Variants in CACNA2D1 observed in about 807,000 individuals in gnomAD.
CACNA2D1 encodes the protein voltage-dependent calcium channel subunit alpha-2/delta-1.
Under a neutral mutation model 171.5 loss-of-function variants are expected in CACNA2D1, and 53 were observed. The ratio of observed to expected loss-of-function variants is 0.31; its 90% CI spans 0.25 to 0.39. The LOEUF (loss-of-function observed/expected upper bound fraction) is 0.39, where lower values mean the gene tolerates loss of function less well. CACNA2D1 is among the 10% of genes least tolerant of loss of function. The pLI, the probability that CACNA2D1 is intolerant of heterozygous loss-of-function variation, is 1.00. For missense variants in CACNA2D1, 903 were observed against 1,299.8 expected (o/e 0.69, Z 4.69); for synonymous variants, 442 against 443.1 (o/e 1.00, Z 0.03).
At chr7:82,351,734 T>C (rs1819871619) in intron 1 of CACNA2D1, among the ~76,000 whole-genome samples, 1 of 152,118 alleles carries the variant, frequency 6.6e-6, no homozygotes, top group Non-Finnish European at 1.5e-5. Flanking sequence ...TTAGTAAACA[T>C]AGTTGTGCCC....
At chr7:82,054,660 C>A (rs555910244) in intron 10 of CACNA2D1, among the ~76,000 whole-genome samples, 1 of 152,238 alleles carries the variant, frequency 6.6e-6, no homozygotes, top group East Asian at 1.9e-4. Context: ...AGATACCAAC[C>A]AGTGTTCTTA....
At chr7:82,145,063 A>G in intron 4 of CACNA2D1, among the ~76,000 whole-genome samples, 1 of 151,498 alleles carries the variant, frequency 6.6e-6, no homozygotes, top group East Asian at 1.9e-4. Flanking sequence ...AAGATGACCC[A>G]GTGAGTTAAA....
chr7:82,005,611 A>AAATGATTC, intron 17 of CACNA2D1, 114 bp from the exon 18 acceptor site: 1 of 863,602 alleles, frequency 1.2e-6, no homozygotes, highest in Non-Finnish European at 1.9e-6. Flanking sequence ...TTGAAAGATA[A>AAATGATTC]CATGGAATCA....
chr7:82,129,114 T>C (rs1790671677), intron 5 of CACNA2D1, among the ~76,000 whole-genome samples: 1 of 152,190 alleles, frequency 6.6e-6, no homozygotes, highest in Admixed American at 6.5e-5. Context: ...CAAATTCCCC[T>C]CATAAGCTAA....
At chr7:82,200,854 C>A (rs551434060) in intron 3 of CACNA2D1, among the ~76,000 whole-genome samples, 2 of 152,134 alleles carry the variant, frequency 1.3e-5, no homozygotes, top group Non-Finnish European at 2.9e-5. Context: ...GCCAATTACA[C>A]AAGAAAGGCA....
intron 1 of CACNA2D1, among the ~76,000 whole-genome samples, chr7:82,373,869 T>C (rs779677771): frequency 7.2e-5 from 11 of 152,232 alleles, no homozygotes; most frequent in Non-Finnish European, 1.5e-4. Flanking sequence ...AAATATGCAA[T>C]TGGTGTTTCA....
chr7:82,144,186 A>T (rs1200405583), intron 4 of CACNA2D1, among the ~76,000 whole-genome samples: 2 of 151,102 alleles, frequency 1.3e-5, no homozygotes, highest in Non-Finnish European at 3.0e-5. Context: ...AGGAAAAATC[A>T]TTTTTTTTTC....
chr7:81,950,555 A>G, intron 38 of CACNA2D1, 47 bp from the exon 39 acceptor site: 1 of 1,556,590 alleles, frequency 6.4e-7, no homozygotes. Flanking sequence ...AAAATCTAAA[A>G]ATCTTGAAAA....
At chr7:82,152,867 C>T (rs527884553) in intron 4 of CACNA2D1, among the ~76,000 whole-genome samples, 1 of 151,816 alleles carries the variant, frequency 6.6e-6, no homozygotes, top group East Asian at 1.9e-4. Context: ...AATTATTGGG[C>T]ATTGTTCATT....
chr7:82,196,934 A>T (rs1798915216), intron 3 of CACNA2D1, among the ~76,000 whole-genome samples: 1 of 151,900 alleles, frequency 6.6e-6, no homozygotes, highest in Non-Finnish European at 1.5e-5. Flanking sequence ...GGAATTGAGC[A>T]AGGGAATTAT....
chr7:82,175,836 T>C (rs1796492773), intron 3 of CACNA2D1, among the ~76,000 whole-genome samples: 1 of 152,046 alleles, frequency 6.6e-6, no homozygotes, highest in African/African-American at 2.4e-5. Context: ...AAAGTTTTGC[T>C]TCCGTTTGAA....
intron 10 of CACNA2D1, among the ~76,000 whole-genome samples, chr7:82,039,126 A>T (rs1190517758): frequency 1.3e-5 from 2 of 151,992 alleles, no homozygotes; most frequent in African/African-American, 4.8e-5. Context: ...TGGGAATAAT[A>T]AAAAAAAGCA....
At chr7:82,141,690 T>C (rs1414764961) in intron 4 of CACNA2D1, among the ~76,000 whole-genome samples, 1 of 152,192 alleles carries the variant, frequency 6.6e-6, no homozygotes, top group East Asian at 1.9e-4. Flanking sequence ...ATGAAAAATA[T>C]CTCATTATGG....
intron 9 of CACNA2D1, among the ~76,000 whole-genome samples, chr7:82,063,771 C>A (rs1428745109): frequency 2.6e-5 from 4 of 152,054 alleles, no homozygotes; most frequent in Non-Finnish European, 5.9e-5. Flanking sequence ...ACACATATAT[C>A]TTGAATTGAA....
chr7:82,318,891 GAA>G (rs1306181864), intron 3 of CACNA2D1, among the ~76,000 whole-genome samples: 1 of 150,990 alleles, frequency 6.6e-6, no homozygotes, highest in East Asian at 1.9e-4. Flanking sequence ...AAGAAGAAGA[GAA>G]AGAGTAGGAA....
intron 4 of CACNA2D1, among the ~76,000 whole-genome samples, chr7:82,155,952 T>C (rs1478001313): frequency 1.3e-5 from 2 of 152,174 alleles, no homozygotes; most frequent in Non-Finnish European, 2.9e-5. Flanking sequence ...CTTTGATACT[T>C]TTAATAGTCA....
Position 81,968,976 on chromosome 7 carries a change from A to G in CACNA2D1, c.2309-3T>C, listed in dbSNP as rs762328666. The G allele has an allele frequency of 8.2e-7, 1 of 1,216,396 alleles. No individual in the cohort carries two copies. The highest frequency in any genetic ancestry group is 1.2e-6 in the Non-Finnish European group (1 of 862,840). The allele number at this position is 1,216,396 out of a possible 1,614,324, so 75.4% of individuals were successfully genotyped here. Reference sequence around the variant, plus strand: ...TTCATAGGCACCAGGTCCACTTTCTAAAAAAAAAATAAATAAATAAAACAC... The same window carrying G: ...TTCATAGGCACCAGGTCCACTTTCTGAAAAAAAAATAAATAAATAAAACAC... On this transcript the variant is annotated splice_region_variant and splice_polypyrimidine_tract_variant and intron_variant, in intron 28 of 38. Coordinates refer to ENST00000356860, the MANE Select transcript of CACNA2D1 (RefSeq NM_000722.4).
intron 6 of CACNA2D1, among the ~76,000 whole-genome samples, chr7:82,089,135 C>A (rs1810830327): frequency 6.6e-6 from 1 of 152,102 alleles, no homozygotes; most frequent in Non-Finnish European, 1.5e-5. Flanking sequence ...TATATATTGA[C>A]AGTTGCCCTC....
chr7:82,186,008 T>G (rs1400996146), intron 3 of CACNA2D1, among the ~76,000 whole-genome samples: 1 of 151,566 alleles, frequency 6.6e-6, no homozygotes, highest in Non-Finnish European at 1.5e-5. Context: ...AATACAAAAA[T>G]TAGCTGGGCG....
Sources: gnomAD v4.1 joint callset for allele counts (sites outside exome capture counted in the v4.1 genomes callset) on GRCh38, gnomAD v4.1.1 for gene constraint, MANE v1.5 for transcripts, NCBI Gene and HGNC (gene_info 2026-07-23, HGNC 2026-07-21) for gene names.